Variants in SNX29 observed in about 807,000 individuals in gnomAD.
SNX29 encodes sorting nexin 29.
In SNX29, 78 loss-of-function variants were observed where a neutral mutation model predicts 102.1. That is an observed-to-expected ratio of 0.76 (90% CI 0.64 to 0.92). SNX29 has a LOEUF of 0.92. Among genes scored for constraint, SNX29 ranks in the 40% least tolerant of loss-of-function variants. The pLI, the probability that SNX29 is intolerant of heterozygous loss-of-function variation, is 0.00. For synonymous variants in SNX29, 580 were observed against 414.5 expected, an observed-to-expected ratio of 1.40 and a Z score of -4.85; for missense variants, 1,280 against 1,061.7, an observed-to-expected ratio of 1.21 and a Z score of -2.86.
intron 19 of SNX29, among the ~76,000 whole-genome samples, chr16:12,498,208 C>G (rs373612095): frequency 6.6e-6 from 1 of 152,156 alleles, no homozygotes; most frequent in African/African-American, 2.4e-5. Context: ...GCAACTTCCT[C>G]TGGCCCATGA....
chr16:12,280,460 G>A (rs572221721), intron 15 of SNX29, among the ~76,000 whole-genome samples: 3 of 152,320 alleles, frequency 2.0e-5, no homozygotes, highest in Non-Finnish European at 4.4e-5. Context: ...CCACCAAACG[G>A]GAGGGCTCAA....
intron 7 of SNX29, among the ~76,000 whole-genome samples, chr16:12,050,951 C>T (rs2050274073): frequency 6.6e-6 from 1 of 152,020 alleles, no homozygotes; most frequent in African/African-American, 2.4e-5. Flanking sequence ...GAACTCCTGA[C>T]CTCAGGTGAT....
At chr16:12,424,288 A>T (rs1223426301) in intron 18 of SNX29, among the ~76,000 whole-genome samples, 2 of 152,208 alleles carry the variant, frequency 1.3e-5, no homozygotes, top group Non-Finnish European at 2.9e-5. Flanking sequence ...GTCTTTGACC[A>T]GGAGGCCCCA....
chr16:12,535,117 C>T (rs894036405), intron 20 of SNX29, among the ~76,000 whole-genome samples: 1 of 152,156 alleles, frequency 6.6e-6, no homozygotes, highest in African/African-American at 2.4e-5. Flanking sequence ...TTAGCACCCG[C>T]CAGGGTCCAG....
intron 13 of SNX29, among the ~76,000 whole-genome samples, chr16:12,168,916 C>A (rs1402579616): frequency 1.3e-5 from 2 of 152,164 alleles, no homozygotes; most frequent in African/African-American, 4.8e-5. Flanking sequence ...AGAACCTTGG[C>A]ACCTGGGTTG....
intron 18 of SNX29, among the ~76,000 whole-genome samples, chr16:12,467,289 C>T (rs1335228302): frequency 6.6e-6 from 1 of 152,186 alleles, no homozygotes; most frequent in African/African-American, 2.4e-5. Context: ...GTTCTCTCTC[C>T]AGTAATCTAA....
chr16:12,055,497 C>T (rs917788427), intron 8 of SNX29, among the ~76,000 whole-genome samples: 3 of 152,066 alleles, frequency 2.0e-5, no homozygotes, highest in Non-Finnish European at 4.4e-5. Flanking sequence ...TCCCAGAGTG[C>T]TGGGATTACA....
intron 16 of SNX29, among the ~76,000 whole-genome samples, chr16:12,356,641 G>T (rs1330138178): frequency 1.3e-5 from 2 of 152,186 alleles, no homozygotes; most frequent in African/African-American, 4.8e-5. Flanking sequence ...TATTACTGTT[G>T]TATGTATCTG....
At chr16:12,263,108 C>A (rs1410372336) in intron 14 of SNX29, among the ~76,000 whole-genome samples, 1 of 151,712 alleles carries the variant, frequency 6.6e-6, no homozygotes, top group Non-Finnish European at 1.5e-5. Flanking sequence ...TTGTCATGTC[C>A]TCTCTTCTTG....
chr16:12,293,194 G>A (rs1203878237), intron 15 of SNX29, among the ~76,000 whole-genome samples: 1 of 152,142 alleles, frequency 6.6e-6, no homozygotes, highest in Non-Finnish European at 1.5e-5. Flanking sequence ...CTCCCACCTT[G>A]GCCTCCGAAA....
At chr16:12,162,698 C>T (rs767972444) in intron 13 of SNX29, among the ~76,000 whole-genome samples, 5 of 152,168 alleles carry the variant, frequency 3.3e-5, no homozygotes, top group Non-Finnish European at 5.9e-5. Flanking sequence ...GCAGTGGGGT[C>T]TTGTGTGTCC....
chr16:12,225,758 G>T (rs532764453), intron 14 of SNX29, among the ~76,000 whole-genome samples: 1 of 152,314 alleles, frequency 6.6e-6, no homozygotes, highest in Non-Finnish European at 1.5e-5. Flanking sequence ...GATTTGACCA[G>T]ATCTCAGCAA....
rs185627566 is a variant in SNX29, at chr16:12,414,821, A to T, written c.2037+11292A>T. On this transcript the variant is annotated intron_variant, in intron 18 of 20. Transcript: ENST00000566228. ...ATAGCAACCTTCGCCTCCGGGGTTC[A>T]AGCAATTCTCCCACCTGAGCCTTCT... 2.3e-4 allele frequency among the ~76,000 whole-genome samples: 35 copies of T among 152,298 alleles called. No homozygotes were observed. The East Asian group carries it at 6.2e-3, about 27-fold the overall frequency.
At chr16:12,371,400 C>T (rs1352010384) in intron 16 of SNX29, among the ~76,000 whole-genome samples, 3 of 152,100 alleles carry the variant, frequency 2.0e-5, no homozygotes, top group South Asian at 2.1e-4. Context: ...CTGGGCTCAG[C>T]GATCCTTGCA....
intron 20 of SNX29, among the ~76,000 whole-genome samples, chr16:12,533,561 C>T (rs1385847655): frequency 1.3e-5 from 2 of 152,166 alleles, no homozygotes; most frequent in African/African-American, 4.8e-5. Context: ...ACTTTCTTAG[C>T]CTCGTCATTA....
At chr16:12,338,800 C>A (rs2081528765) in intron 15 of SNX29, among the ~76,000 whole-genome samples, 1 of 152,118 alleles carries the variant, frequency 6.6e-6, no homozygotes, top group Admixed American at 6.5e-5. Context: ...ACCCCCAGAC[C>A]CACCTTCCAT....
chr16:12,364,627 G>C (rs370953426), intron 16 of SNX29, among the ~76,000 whole-genome samples: 2 of 152,102 alleles, frequency 1.3e-5, no homozygotes, highest in Non-Finnish European at 2.9e-5. Flanking sequence ...AAGACACAGC[G>C]CGGTGAAAGC....
chr16:12,413,130 T>C (rs898299656), intron 18 of SNX29, among the ~76,000 whole-genome samples: 3 of 152,150 alleles, frequency 2.0e-5, no homozygotes, highest in African/African-American at 7.2e-5. Context: ...GTATTTGGTT[T>C]TGGTTAGGAA....
intron 16 of SNX29, chr16:12,375,410 C>A (rs1000891064): frequency 6.6e-6 from 1 of 152,242 alleles, no homozygotes; most frequent in African/African-American, 2.4e-5. Flanking sequence ...TACCATCTCA[C>A]AGTTTCTGTG....
Sources: allele counts gnomAD v4.1 joint callset (sites outside exome capture counted in the v4.1 genomes callset), GRCh38; gene constraint gnomAD v4.1.1; transcripts MANE v1.5; gene names NCBI Gene and HGNC (gene_info 2026-07-23, HGNC 2026-07-21).